The following ARMH4 variants were observed in gnomAD, a reference collection of about 807,000 sequenced individuals.
ARMH4 encodes armadillo like helical domain containing 4.
A neutral mutation model predicts 61.9 loss-of-function variants in ARMH4; 49 were observed. The ratio of observed to expected loss-of-function variants is 0.79; its 90% CI spans 0.63 to 1.00. ARMH4 has a LOEUF of 1.00. Among genes scored for constraint, ARMH4 ranks in the 50% least tolerant of loss-of-function variants. The probability of loss-of-function intolerance (pLI) is 0.00; values close to 1 mark genes in which losing one functional copy is unlikely to be tolerated. For synonymous variants in ARMH4, 368 were observed against 341.5 expected (o/e 1.08, Z -0.85); for missense variants, 934 against 930.0 (o/e 1.00, Z -0.06).
intron 4 of ARMH4, among the ~76,000 whole-genome samples, chr14:58,108,991 T>C (rs919795379): frequency 6.6e-6 from 1 of 152,204 alleles, no homozygotes; most frequent in Non-Finnish European, 1.5e-5. Context: ...CTTTCACTCA[T>C]CTTTCTATTG....
At position 58,045,074 on chromosome 14, in the gene ARMH4, A is replaced by G. The variant is rs528425550; in HGVS notation, c.2090-32924T>C. 8.1e-4 allele frequency among the ~76,000 whole-genome samples: 123 copies of G among 152,372 alleles called. 1 individual carries two copies. Among genetic ancestry groups the G allele is most frequent in the Non-Finnish European group, 1.4e-3 (93 of 68,046 alleles). On this transcript the variant is annotated intron_variant, in intron 5 of 7. Transcript: ENST00000267485. ...TATGGCGATTCCTCAGGGATCCAGA[A>G]TTAGAAATACCATTTGACCCAGCCA...
At chr14:58,014,672 T>G (rs1302761138) in intron 5 of ARMH4, among the ~76,000 whole-genome samples, 1 of 152,196 alleles carries the variant, frequency 6.6e-6, no homozygotes, top group African/African-American at 2.4e-5. Flanking sequence ...ATATTTATTA[T>G]GTACATTGTG....
chr14:58,086,924 T>C (rs2141250170), intron 5 of ARMH4, among the ~76,000 whole-genome samples: 1 of 152,118 alleles, frequency 6.6e-6, no homozygotes, highest in African/African-American at 2.4e-5. Context: ...AAAAAGTCGG[T>C]AGGGAATGTT....
chr14:58,107,696 G>A (rs561982474), intron 4 of ARMH4, among the ~76,000 whole-genome samples: 3 of 151,286 alleles, frequency 2.0e-5, no homozygotes, highest in Non-Finnish European at 2.9e-5. Flanking sequence ...CCCAGTAGGC[G>A]GAGGTTGCAG....
chr14:58,071,039 A>G (rs1884867542), intron 5 of ARMH4, among the ~76,000 whole-genome samples: 2 of 151,992 alleles, frequency 1.3e-5, no homozygotes, highest in Non-Finnish European at 2.9e-5. Context: ...AAATGGTTAT[A>G]GTCCTACTAG....
chr14:58,076,350 G>A (rs1885049053), intron 5 of ARMH4, among the ~76,000 whole-genome samples: 1 of 152,184 alleles, frequency 6.6e-6, no homozygotes, highest in Admixed American at 6.5e-5. Flanking sequence ...AAGAATCATG[G>A]CTATCTACTG....
At chr14:58,045,424 G>C (rs1023564357) in intron 5 of ARMH4, among the ~76,000 whole-genome samples, 1 of 152,104 alleles carries the variant, frequency 6.6e-6, no homozygotes, top group Non-Finnish European at 1.5e-5. Flanking sequence ...AGAACACCTG[G>C]ACACAGGAAG....
chr14:58,128,668 AGAAAAG>A (rs940302742), intron 4 of ARMH4, among the ~76,000 whole-genome samples: 1 of 152,232 alleles, frequency 6.6e-6, no homozygotes, highest in African/African-American at 2.4e-5. Context: ...TCAGTGACTA[AGAAAAG>A]GAAAACACAC....
chr14:58,006,272 C>A (rs1406579946), intron 6 of ARMH4, among the ~76,000 whole-genome samples: 4 of 152,252 alleles, frequency 2.6e-5, no homozygotes, highest in African/African-American at 9.6e-5. Flanking sequence ...TCTACCCATG[C>A]AAAATACATA....
chr14:58,064,497 T>C (rs539780487), intron 5 of ARMH4, among the ~76,000 whole-genome samples: 1 of 152,308 alleles, frequency 6.6e-6, no homozygotes, highest in South Asian at 2.1e-4. Flanking sequence ...TGTTTTTCTA[T>C]TCCAATAAGT....
At chr14:58,007,437 T>G (rs1293688078) in intron 6 of ARMH4, among the ~76,000 whole-genome samples, 1 of 152,224 alleles carries the variant, frequency 6.6e-6, no homozygotes, top group African/African-American at 2.4e-5. Context: ...AATGGTTACA[T>G]TTAGCTAGAG....
chr14:58,057,553 GGTGTGTGTGTGTGTGTCT>G (rs1244432856), intron 5 of ARMH4, among the ~76,000 whole-genome samples: 2 of 140,890 alleles, frequency 1.4e-5, no homozygotes, highest in Middle Eastern at 3.5e-3. Flanking sequence ...TCTTCCAAAG[GGTGTGTGTGTGTGTGTCT>G]GTGTGTGTGT....
intron 4 of ARMH4, among the ~76,000 whole-genome samples, chr14:58,117,784 G>T (rs1368168287): frequency 4.6e-5 from 7 of 151,576 alleles, no homozygotes; most frequent in African/African-American, 1.7e-4. Context: ...AAAGAGACTA[G>T]GTCTCACCCT....
intron 5 of ARMH4, among the ~76,000 whole-genome samples, chr14:58,059,092 G>A (rs1884445301): frequency 6.6e-6 from 1 of 152,220 alleles, no homozygotes; most frequent in African/African-American, 2.4e-5. Context: ...GAACCATGCG[G>A]TAGACAGAGG....
At chr14:58,015,914 T>A (rs1418455603) in intron 5 of ARMH4, among the ~76,000 whole-genome samples, 2 of 150,930 alleles carry the variant, frequency 1.3e-5, no homozygotes, top group South Asian at 4.2e-4. Context: ...AATTTAAATT[T>A]AATAAAATTT....
intron 5 of ARMH4, among the ~76,000 whole-genome samples, chr14:58,095,223 C>A (rs368761039): frequency 1.3e-5 from 2 of 152,254 alleles, no homozygotes; most frequent in African/African-American, 2.4e-5. Context: ...CTCCTCTCTC[C>A]GGTAAAGTAC....
intron 5 of ARMH4, among the ~76,000 whole-genome samples, chr14:58,077,966 T>C (rs1240479524): frequency 6.6e-6 from 1 of 152,244 alleles, no homozygotes; most frequent in Non-Finnish European, 1.5e-5. Flanking sequence ...CCATGTAGAC[T>C]CAATGGACAG....
intron 4 of ARMH4, among the ~76,000 whole-genome samples, chr14:58,122,678 T>C (rs931107515): frequency 2.0e-5 from 3 of 152,096 alleles, no homozygotes; most frequent in African/African-American, 7.2e-5. Flanking sequence ...CTTTGGAGGC[T>C]CTGGAAAAGG....
At chr14:58,080,225 G>A (rs1404205630) in intron 5 of ARMH4, among the ~76,000 whole-genome samples, 1 of 151,940 alleles carries the variant, frequency 6.6e-6, no homozygotes, top group Non-Finnish European at 1.5e-5. Context: ...CACTTCCTGG[G>A]TTCAAGTGAT....
Sources: allele counts gnomAD v4.1 joint callset (sites outside exome capture counted in the v4.1 genomes callset), GRCh38; gene constraint gnomAD v4.1.1; transcripts MANE v1.5; gene names NCBI Gene and HGNC (gene_info 2026-07-23, HGNC 2026-07-21).